Variants in MTDH observed in about 807,000 individuals in gnomAD.
MTDH encodes the protein protein LYRIC.
Under a neutral mutation model 72.7 loss-of-function variants are expected in MTDH, and 34 were observed. That is an observed-to-expected ratio of 0.47 (90% CI 0.36 to 0.62). The LOEUF (loss-of-function observed/expected upper bound fraction) is 0.62, where lower values mean the gene tolerates loss of function less well. Ranked by LOEUF, MTDH falls within the 20% of genes least tolerant of loss-of-function variation. The pLI, the probability that MTDH is intolerant of heterozygous loss-of-function variation, is 0.00. For synonymous variants in MTDH, 266 were observed against 268.9 expected (o/e 0.99, Z 0.10); for missense variants, 677 against 699.4 (o/e 0.97, Z 0.36).
intron 6 of MTDH, 82 bp from the exon 7 acceptor site, chr8:97,699,672 G>T (rs574511364): frequency 6.2e-6 from 5 of 808,280 alleles, no homozygotes; most frequent in Admixed American, 2.4e-5. Context: ...TAAAGTCTCC[G>T]TGTCAAAGTA....
At chr8:97,686,804 A>T (rs376461996) in intron 3 of MTDH, 52 bp downstream of exon 3, 5 of 1,253,386 alleles carry the variant, frequency 4.0e-6, no homozygotes, top group Middle Eastern at 1.9e-4. Flanking sequence ...CTTTTTTATC[A>T]AAGTGTATTA....
At chr8:97,675,835 G>C (rs947528119) in intron 2 of MTDH, among the ~76,000 whole-genome samples, 1 of 151,842 alleles carries the variant, frequency 6.6e-6, no homozygotes, top group Non-Finnish European at 1.5e-5. Context: ...TCATGCCACT[G>C]CACTCCAGCC....
intron 1 of MTDH, among the ~76,000 whole-genome samples, chr8:97,655,749 C>T (rs777300572): frequency 3.9e-5 from 6 of 152,050 alleles, no homozygotes; most frequent in Non-Finnish European, 8.8e-5. Context: ...CCCAGGAGTT[C>T]AAGACCAGCC....
At chr8:97,687,698 T>G in intron 4 of MTDH, 93 bp downstream of exon 4, 1 of 1,129,840 alleles carries the variant, frequency 8.9e-7, no homozygotes. Context: ...CTGACTATTT[T>G]GAATGCTAAC....
At chr8:97,657,534 C>G (rs1040128530) in intron 1 of MTDH, among the ~76,000 whole-genome samples, 1 of 151,584 alleles carries the variant, frequency 6.6e-6, no homozygotes, top group Non-Finnish European at 1.5e-5. Flanking sequence ...GACAGGGTCT[C>G]ACTTTTTTGC....
chr8:97,697,887 T>C (rs1251133119), intron 6 of MTDH, among the ~76,000 whole-genome samples: 7 of 152,154 alleles, frequency 4.6e-5, no homozygotes, highest in Non-Finnish European at 8.8e-5. Flanking sequence ...CCTTCATATA[T>C]GCAGAGAAAG....
intron 2 of MTDH, among the ~76,000 whole-genome samples, chr8:97,662,290 G>A (rs1812202884): frequency 1.3e-5 from 2 of 150,098 alleles, no homozygotes; most frequent in African/African-American, 4.9e-5. Flanking sequence ...TCCTGCCTCG[G>A]CCTCCCAAAG....
intron 1 of MTDH, among the ~76,000 whole-genome samples, chr8:97,652,759 A>T (rs139168425): frequency 2.3e-3 from 357 of 152,298 alleles, no homozygotes; most frequent in African/African-American, 8.3e-3. Flanking sequence ...TTTTGCTGGT[A>T]ATATTAAAAA....
chr8:97,693,863 G>C (rs1813718037), intron 6 of MTDH, among the ~76,000 whole-genome samples: 1 of 151,970 alleles, frequency 6.6e-6, no homozygotes, highest in African/African-American at 2.4e-5. Flanking sequence ...CCACAGGCAT[G>C]TGCCACCACA....
intron 1 of MTDH, among the ~76,000 whole-genome samples, chr8:97,650,626 C>G (rs1291502524): frequency 6.6e-6 from 1 of 152,210 alleles, no homozygotes; most frequent in Non-Finnish European, 1.5e-5. Context: ...AGTGCTGCTT[C>G]AACTGTAAAG....
chr8:97,671,292 T>G (rs1394228277), intron 2 of MTDH, among the ~76,000 whole-genome samples: 1 of 152,148 alleles, frequency 6.6e-6, no homozygotes, highest in Non-Finnish European at 1.5e-5. Context: ...GTATGAGATT[T>G]GGGTTCGGAC....
intron 8 of MTDH, among the ~76,000 whole-genome samples, chr8:97,710,857 G>C (rs932555977): frequency 5.3e-5 from 8 of 151,982 alleles, no homozygotes; most frequent in African/African-American, 1.7e-4. Flanking sequence ...AAAATTAGCC[G>C]GGCATGGTGG....
Position 97,723,038 on chromosome 8 carries a change from A to G in MTDH, c.1678+3A>G. ...AAATAGTGTGCCTCCTTCACAGAGT[A>G]AGTAATCCTCATTTTTTGTTCCTTT... On this transcript the variant is annotated splice_donor_region_variant and intron_variant, in intron 11 of 11. Transcript: ENST00000336273. 6.2e-7 allele frequency: 1 copy of G among 1,611,996 alleles called. No homozygotes were observed. The highest frequency in any genetic ancestry group is 1.7e-5 in the Admixed American group (1 of 59,446).
chr8:97,689,635 C>G (rs1813503673), intron 5 of MTDH, among the ~76,000 whole-genome samples: 1 of 151,312 alleles, frequency 6.6e-6, no homozygotes, highest in Non-Finnish European at 1.5e-5. Flanking sequence ...AGTGTTATGC[C>G]TGACCTGAAA....
chr8:97,662,306 G>C (rs538443361), intron 2 of MTDH, among the ~76,000 whole-genome samples: 1 of 150,378 alleles, frequency 6.6e-6, no homozygotes, highest in Admixed American at 6.6e-5. Flanking sequence ...CAAAGTGCTG[G>C]GATTACAGGC....
intron 8 of MTDH, among the ~76,000 whole-genome samples, chr8:97,707,982 T>C (rs1814433846): frequency 6.6e-6 from 1 of 152,022 alleles, no homozygotes; most frequent in African/African-American, 2.4e-5. Flanking sequence ...TTTCTTTTTC[T>C]TTTTGAGATG....
rs544053421 is a variant in MTDH at position 97,716,317 on chromosome 8, C to T, written c.1380+2548C>T. Among the ~76,000 whole-genome samples the T allele has an allele frequency of 8.6e-5, 13 of 151,980 alleles. No individual in the cohort carries two copies. The East Asian group carries it at 1.4e-3, about 16-fold the overall frequency. Reference sequence around the variant, plus strand: ...AGGAGAATCACTTGAACCCGGGAGGCGGAGGTTGCGGTGAGCCAAGATCAT... The same window carrying T: ...AGGAGAATCACTTGAACCCGGGAGGTGGAGGTTGCGGTGAGCCAAGATCAT... On this transcript the variant is annotated intron_variant, in intron 9 of 11. Coordinates refer to ENST00000336273, the MANE Select transcript of MTDH (RefSeq NM_178812.4).
intron 2 of MTDH, among the ~76,000 whole-genome samples, chr8:97,671,925 G>A (rs1460806170): frequency 6.6e-6 from 1 of 152,156 alleles, no homozygotes; most frequent in Non-Finnish European, 1.5e-5. Context: ...CCAGAGGTTT[G>A]AGAATTGCTC....
chr8:97,673,388 G>T (rs1438534198), intron 2 of MTDH, among the ~76,000 whole-genome samples: 3 of 152,166 alleles, frequency 2.0e-5, no homozygotes, highest in African/African-American at 7.2e-5. Flanking sequence ...GCCAGGCACG[G>T]TGGTTCACGC....
Sources: allele counts gnomAD v4.1 joint callset (sites outside exome capture counted in the v4.1 genomes callset), GRCh38; gene constraint gnomAD v4.1.1; transcripts MANE v1.5; gene names NCBI Gene and HGNC (gene_info 2026-07-23, HGNC 2026-07-21).